Variants in LARP1 observed in about 807,000 individuals in gnomAD.
LARP1 encodes the protein La ribonucleoprotein 1, translational regulator.
In LARP1, 36 loss-of-function variants were observed where a neutral mutation model predicts 122.7. The ratio of observed to expected loss-of-function variants is 0.29; its 90% CI spans 0.22 to 0.39. LARP1 has a LOEUF of 0.39. LARP1 is among the 10% of genes least tolerant of loss of function. The probability of loss-of-function intolerance (pLI) is 1.00; values close to 1 mark genes in which losing one functional copy is unlikely to be tolerated. For missense variants in LARP1, 1,040 were observed against 1,403.6 expected, an observed-to-expected ratio of 0.74 and a Z score of 4.14; for synonymous variants, 539 against 528.7, an observed-to-expected ratio of 1.02 and a Z score of -0.27.
At chr5:154,764,595 C>CAAAAAAAAAAAAAAAAAAAAAAAAAAA (rs1158921641) in intron 1 of LARP1, among the ~76,000 whole-genome samples, 1 of 44,888 alleles carries the variant, frequency 2.2e-5, no homozygotes, top group Non-Finnish European at 3.7e-5. Context: ...GACCATGTCT[C>CAAAAAAAAAAAAAAAAAAAAAAAAAAA]AAAAAAAAAA....
At position 154,755,865 on chromosome 5, in the gene LARP1, G is replaced by A. The variant is rs918006736; in HGVS notation, c.108G>A (p.Lys36=). The change falls in exon 1 of 19, where the codon AAG becomes AAA. Residue 36 remains lysine, a synonymous_variant. Transcript: ENST00000518297. ...RKKPPPAPEG[K]GEPGPNDVRG... ...AGCCGCCGCCGGCGCCCGAGGGCAA[G>A]GGCGAGCCCGGGCCAAACGACGTCC... 14 of 1,011,762 alleles carry A rather than the reference G, an allele frequency of 1.4e-5. No individual in the cohort carries two copies. Among genetic ancestry groups the A allele is most frequent in the African/African-American group, 1.7e-5 (1 of 57,396 alleles). 62.7% of individuals were successfully genotyped at this position (1,011,762 alleles called of 1,614,324 possible).
chr5:154,692,681 A>G (rs1272220793), intron 1 of LARP1, among the ~76,000 whole-genome samples: 1 of 152,174 alleles, frequency 6.6e-6, no homozygotes, highest in Non-Finnish European at 1.5e-5. Flanking sequence ...ATCATCACCT[A>G]GGGACCACAC....
At chr5:154,741,141 C>T (rs1296015118) in intron 1 of LARP1, among the ~76,000 whole-genome samples, 1 of 152,162 alleles carries the variant, frequency 6.6e-6, no homozygotes, top group African/African-American at 2.4e-5. Context: ...AATCAGTGCA[C>T]TCAGTGCAGC....
At chr5:154,726,829 C>T (rs1358798438) in intron 1 of LARP1, among the ~76,000 whole-genome samples, 1 of 152,140 alleles carries the variant, frequency 6.6e-6, no homozygotes, top group African/African-American at 2.4e-5. Context: ...GCAATCATGG[C>T]AGAAGTCACC....
intron 1 of LARP1, among the ~76,000 whole-genome samples, chr5:154,743,272 T>C (rs1387192846): frequency 1.3e-5 from 2 of 152,024 alleles, no homozygotes; most frequent in African/African-American, 2.4e-5. Flanking sequence ...TTATTACTTT[T>C]ATTATTAACC....
rs548196710 is a variant in LARP1, at chr5:154,699,140, C to T, written c.-180+16103C>T. Among the ~76,000 whole-genome samples the T allele has an allele frequency of 1.1e-4, 17 of 152,288 alleles. No individual in the cohort carries two copies. In the East Asian group the frequency reaches 2.9e-3, roughly 26 times the overall value. On this transcript the variant is annotated intron_variant, in intron 1 of 18. Transcript: ENST00000687700. ...TTTATGTGGGCTTATCTGACTATTC[C>T]TGTTTTTCCCCTCACCCTGGACATT...
intron 1 of LARP1, among the ~76,000 whole-genome samples, chr5:154,689,322 G>A (rs1392309217): frequency 1.3e-5 from 2 of 152,032 alleles, no homozygotes; most frequent in African/African-American, 2.4e-5. Context: ...GCGTGGTGGC[G>A]GCACTTGTAA....
intron 1 of LARP1, among the ~76,000 whole-genome samples, chr5:154,730,629 T>C (rs1022074105): frequency 5.3e-5 from 8 of 152,086 alleles, no homozygotes; most frequent in South Asian, 4.1e-4. Context: ...CATGCCACCA[T>C]GCCTGGCTAG....
chr5:154,779,302 T>G (rs1217990000), intron 1 of LARP1, among the ~76,000 whole-genome samples: 1 of 152,150 alleles, frequency 6.6e-6, no homozygotes, highest in Non-Finnish European at 1.5e-5. Flanking sequence ...ACAAGCTACA[T>G]GAGAGATTGC....
In LARP1 at chr5:154,802,504, CAG is replaced by C; in HGVS notation, c.2109+108_2109+109del. 1 of 1,342,194 alleles carries C rather than the reference CAG, an allele frequency of 7.5e-7. No individual in the cohort carries two copies. The highest frequency in any genetic ancestry group is 9.9e-7 in the Non-Finnish European group (1 of 1,006,674). 83.1% of individuals were successfully genotyped at this position (1,342,194 alleles called of 1,614,324 possible). On this transcript the variant is annotated intron_variant, in intron 11 of 18. Transcript: ENST00000518297. This position sits in a 1 kb window ranked among gnomAD's most constrained non-coding sequence, Gnocchi z 5.1. ...CAATTTTAGGCAGGTCCTTATAATT[CAG>C]AGTCTCAGGATTTTTATATATGGGA... is the stretch of plus-strand genomic sequence containing the variant.
chr5:154,687,379 G>A (rs948148613), intron 1 of LARP1, among the ~76,000 whole-genome samples: 1 of 152,104 alleles, frequency 6.6e-6, no homozygotes, highest in Non-Finnish European at 1.5e-5. Context: ...ATACTTTTGT[G>A]TGTTGTGTGT....
chr5:154,702,763 C>T (rs996711911), intron 1 of LARP1, among the ~76,000 whole-genome samples: 1 of 152,034 alleles, frequency 6.6e-6, no homozygotes, highest in African/African-American at 2.4e-5. Context: ...TACTTGTAGG[C>T]TGAAATACAG....
chr5:154,739,455 C>G (rs2113450424), intron 1 of LARP1, among the ~76,000 whole-genome samples: 1 of 152,340 alleles, frequency 6.6e-6, no homozygotes, highest in South Asian at 2.1e-4. Context: ...GTAAGGGCTT[C>G]TCCAACAAAA....
Position 154,799,734 on chromosome 5 carries a change from C to T in LARP1, c.1521C>T (p.Pro507=), listed in dbSNP as rs769313548. 1.2e-6 allele frequency: 2 copies of T among 1,614,200 alleles called. No homozygotes were observed. Among genetic ancestry groups the T allele is most frequent in the Non-Finnish European group, 1.7e-6 (2 of 1,180,040 alleles). The change falls in exon 9 of 19, where the codon CCC becomes CCT. Residue 507 remains proline, a synonymous_variant. Coordinates refer to ENST00000518297, the MANE Select transcript of LARP1 (RefSeq NM_033551.3). The part of the protein sequence containing the change: ...SQLLNCPEFV[P]RQHYQKETES... Reference sequence around the variant, plus strand: ...TTCTCAACTGCCCTGAATTTGTTCCCCGTCAGCACTACCAAAAGGAGACAG... The same window carrying T: ...TTCTCAACTGCCCTGAATTTGTTCCTCGTCAGCACTACCAAAAGGAGACAG...
exon 1 of LARP1, among the ~76,000 whole-genome samples, chr5:154,682,988 G>A (rs1273640887): frequency 6.6e-6 from 1 of 152,210 alleles, no homozygotes; most frequent in African/African-American, 2.4e-5. Flanking sequence ...CAGAGGCTGA[G>A]TCATCGCTGC....
At chr5:154,762,958 A>G (rs1329139003) in intron 1 of LARP1, among the ~76,000 whole-genome samples, 1 of 152,042 alleles carries the variant, frequency 6.6e-6, no homozygotes, top group Non-Finnish European at 1.5e-5. Flanking sequence ...GGCTCTTGAT[A>G]ATTCAGAGAT....
intron 14 of LARP1, chr5:154,805,116 A>G (rs1758659477): frequency 2.9e-6 from 1 of 342,958 alleles, no homozygotes; most frequent in Admixed American, 4.0e-5. Context: ...AAAATCACAA[A>G]GAAGGGAACA....
intron 1 of LARP1, chr5:154,718,551 T>C (rs1490961252): frequency 6.6e-6 from 1 of 152,050 alleles, no homozygotes; most frequent in Non-Finnish European, 1.5e-5. Context: ...TCCAGGGAGG[T>C]CACCACATTG....
chr5:154,776,894 A>G (rs1212675621), intron 1 of LARP1, among the ~76,000 whole-genome samples: 3 of 152,208 alleles, frequency 2.0e-5, no homozygotes, highest in East Asian at 3.8e-4. Context: ...CAGCTCTGCT[A>G]TTTTTCTTTT....
Sources: allele counts gnomAD v4.1 joint callset (sites outside exome capture counted in the v4.1 genomes callset), GRCh38; gene constraint gnomAD v4.1.1; non-coding constraint Gnocchi (gnomAD v3.1); transcripts MANE v1.5; gene names NCBI Gene and HGNC (gene_info 2026-07-23, HGNC 2026-07-21).